The following ARHGAP44 variants were observed in gnomAD, a reference collection of about 807,000 sequenced individuals.
The protein encoded by ARHGAP44 is Rho GTPase activating protein 44, also known as rho GTPase-activating protein 44.
In ARHGAP44, 43 loss-of-function variants were observed where a neutral mutation model predicts 106.8. That is an observed-to-expected ratio of 0.40 (90% CI 0.32 to 0.52). The LOEUF (loss-of-function observed/expected upper bound fraction) is 0.52. Ranked by LOEUF, ARHGAP44 falls within the 20% of genes least tolerant of loss-of-function variation. The pLI, the probability that ARHGAP44 is intolerant of heterozygous loss-of-function variation, is 0.48. For synonymous variants in ARHGAP44, 439 were observed against 410.3 expected (o/e 1.07, Z -0.85); for missense variants, 866 against 1,050.5 (o/e 0.82, Z 2.43).
chr17:12,975,342 G>A (rs2039649474), intron 18 of ARHGAP44, among the ~76,000 whole-genome samples: 1 of 151,920 alleles, frequency 6.6e-6, no homozygotes, highest in African/African-American at 2.4e-5. Flanking sequence ...CGCTAAAATG[G>A]GTGCAAGTCA....
chr17:12,928,756 A>G (rs1441945814), intron 6 of ARHGAP44, among the ~76,000 whole-genome samples, 173 bp from the exon 7 acceptor site: 1 of 152,202 alleles, frequency 6.6e-6, no homozygotes, highest in African/African-American at 2.4e-5. Flanking sequence ...GCATGGAAAT[A>G]TGGGCCCACT....
intron 1 of ARHGAP44, among the ~76,000 whole-genome samples, chr17:12,850,145 G>C (rs1211969345): frequency 6.6e-6 from 1 of 152,106 alleles, no homozygotes; most frequent in Non-Finnish European, 1.5e-5. Context: ...TTAGAGCCGA[G>C]GAAACTCAGA....
In ARHGAP44 at chr17:12,984,888, C is replaced by T; in HGVS notation, c.2297C>T (p.Pro766Leu). The T allele has an allele frequency of 6.2e-7, 1 of 1,610,514 alleles. No individual in the cohort carries two copies. Among genetic ancestry groups the T allele is most frequent in the Non-Finnish European group, 8.5e-7 (1 of 1,177,316 alleles). ...TEAPMLDGMS[P>L]GESMSTDLVH... ...GCCCCCATGCTAGATGGCATGTCCC[C>T]TGGGGAAAGCATGTCTACAGGTAAC... Residue 766 changes from proline (P) to leucine (L), a missense_variant, in exon 20 of 21, where the codon CCT becomes CTT. Pro to Leu is a moderately conservative substitution (Grantham distance 98). Coordinates refer to ENST00000379672, the MANE Select transcript of ARHGAP44 (RefSeq NM_014859.6).
At chr17:12,868,157 C>T (rs953192206) in intron 1 of ARHGAP44, among the ~76,000 whole-genome samples, 2 of 152,248 alleles carry the variant, frequency 1.3e-5, no homozygotes, top group African/African-American at 4.8e-5. Flanking sequence ...GTCGGAGGGT[C>T]GTTTTCCTCT....
At chr17:12,800,229 T>C (rs1440516398) in intron 1 of ARHGAP44, among the ~76,000 whole-genome samples, 1 of 152,218 alleles carries the variant, frequency 6.6e-6, no homozygotes, top group East Asian at 1.9e-4. Context: ...TACCCATTTG[T>C]CTCCTTTTCC....
At chr17:12,943,714 C>T (rs1225345122) in intron 9 of ARHGAP44, 45 bp downstream of exon 9, 2 of 1,583,310 alleles carry the variant, frequency 1.3e-6, no homozygotes, top group East Asian at 2.2e-5. Flanking sequence ...GGGGTGCCTG[C>T]TTGCCTTCCC....
intron 4 of ARHGAP44, among the ~76,000 whole-genome samples, chr17:12,909,628 G>C (rs1567681149): frequency 6.6e-6 from 1 of 152,060 alleles, no homozygotes; most frequent in Admixed American, 6.5e-5. Context: ...CAGATGTAGA[G>C]CCGCCACCCA....
rs759135611 is a variant in ARHGAP44 at position 12,958,854 on chromosome 17, G to A, written c.1480G>A (p.Val494Ile). 17 of 1,611,668 alleles carry A rather than the reference G, an allele frequency of 1.1e-5. No homozygotes were observed. Among genetic ancestry groups the A allele is most frequent in the Non-Finnish European group, 1.3e-5 (15 of 1,179,022 alleles). Residue 494 changes from valine to isoleucine, a missense_variant, in exon 16 of 21, where the codon GTC becomes ATC. Val to Ile is a conservative substitution (Grantham distance 29). Coordinates refer to ENST00000379672, the MANE Select transcript of ARHGAP44 (RefSeq NM_014859.6). The surrounding 1 kb of genome is among the most constrained non-coding windows in gnomAD (Gnocchi z 4.1). ...QPEQARRPLS[V>I]ATDNMMLEFY... The stretch of plus-strand genomic sequence containing the variant: ...CGAGCAGGCCCGCCGGCCCCTCAGC[G>A]TCGCCACGGATAATATGATGCTGGA...
At position 12,990,192 on chromosome 17, in the gene ARHGAP44, C is replaced by T. The variant is rs761173430; in HGVS notation, c.*21C>T. 5.6e-6 allele frequency: 9 copies of T among 1,604,404 alleles called. No homozygotes were observed. Among genetic ancestry groups the T allele is most frequent in the Non-Finnish European group, 7.7e-6 (9 of 1,172,368 alleles). ...TCTGACATGACACCGCCCATCCTGC[C>T]TCGCGTGTACATACATCACGGGCCC... On this transcript the variant is annotated 3_prime_UTR_variant, in exon 21 of 21. Coordinates refer to ENST00000379672, the MANE Select transcript of ARHGAP44 (RefSeq NM_014859.6).
Position 12,828,640 on chromosome 17 carries a change from T to C in ARHGAP44, c.53+38749T>C, listed in dbSNP as rs184784378. Among the ~76,000 whole-genome samples, 597 of 140,838 alleles carry C rather than the reference T, an allele frequency of 4.2e-3. 3 individuals are homozygous for C. Among genetic ancestry groups the C allele is most frequent in the Middle Eastern group, 0.035 (10 of 284 alleles). 92.4% of individuals were successfully genotyped at this position (140,838 alleles called of 152,430 possible). A position where few individuals can be genotyped will look rare whatever the true frequency, so the allele number is the denominator to read the frequency against. On this transcript the variant is annotated intron_variant, in intron 1 of 20. Coordinates refer to ENST00000379672, the MANE Select transcript of ARHGAP44 (RefSeq NM_014859.6). The stretch of plus-strand genomic sequence containing the variant: ...CTTTTGGATTTTTTTTTCTTTCTTT[T>C]TTTTTTTTTTTTTTTTTTAAAGACA...
Position 12,915,982 on chromosome 17 carries a change from G to A in ARHGAP44, c.358G>A (p.Val120Met), listed in dbSNP as rs770270968. The A allele has an allele frequency of 3.7e-6, 6 of 1,613,920 alleles. No individual in the cohort carries two copies. The South Asian group carries it at 5.5e-5, about 15-fold the overall frequency. Residue 120 changes from valine (V) to methionine (M), a missense_variant, in exon 5 of 21, where the codon GTG (valine) becomes ATG (methionine). Physicochemically the swap from Val to Met is conservative, Grantham distance 21. This residue lies in a region of ARHGAP44 where 448 missense variants were observed against 646.9 expected (regional missense o/e 0.69). Transcript: ENST00000379672. ...IHFELQVERD[V>M]IEPLFLLAEV... ...TTTTGAGTTGCAAGTAGAGAGAGAC[G>A]TGATTGAGCCCCTGTTTTTGCTGGC... is the stretch of plus-strand genomic sequence containing the variant.
intron 20 of ARHGAP44, chr17:12,987,660 C>T (rs1162491616): frequency 1.3e-5 from 2 of 152,354 alleles, no homozygotes; most frequent in Non-Finnish European, 2.9e-5. Flanking sequence ...CGAGTTTGCA[C>T]CAGCAGATCT....
At chr17:12,987,158 C>G (rs2039981281) in intron 20 of ARHGAP44, 1 of 1,532,586 alleles carries the variant, frequency 6.5e-7, no homozygotes, top group Non-Finnish European at 8.7e-7. Flanking sequence ...TCAGGGTAAG[C>G]TGGCCCCGGC....
chr17:12,945,439 A>G (rs1258988954), intron 10 of ARHGAP44, among the ~76,000 whole-genome samples: 3 of 152,160 alleles, frequency 2.0e-5, no homozygotes, highest in Non-Finnish European at 2.9e-5. Context: ...TGATTAGCCA[A>G]TCAGTATTTA....
chr17:12,939,910 A>G (rs541045780), intron 7 of ARHGAP44, among the ~76,000 whole-genome samples: 2 of 152,288 alleles, frequency 1.3e-5, no homozygotes, highest in South Asian at 4.1e-4. Flanking sequence ...GTGTACAAGA[A>G]CTCTTGAATG....
intron 1 of ARHGAP44, among the ~76,000 whole-genome samples, chr17:12,885,152 G>A (rs1308602281): frequency 6.6e-6 from 1 of 152,142 alleles, no homozygotes; most frequent in East Asian, 1.9e-4. Context: ...GCCCTCCTCG[G>A]CCTCCCAAAG....
chr17:12,861,962 G>A (rs141552907), intron 1 of ARHGAP44, among the ~76,000 whole-genome samples: 1 of 152,088 alleles, frequency 6.6e-6, no homozygotes, highest in Non-Finnish European at 1.5e-5. Context: ...AGGACCCATG[G>A]GTGACACTGG....
intron 1 of ARHGAP44, among the ~76,000 whole-genome samples, chr17:12,823,396 C>G (rs561933608): frequency 1.3e-5 from 2 of 152,276 alleles, no homozygotes; most frequent in African/African-American, 2.4e-5. Context: ...TCAAACTTCT[C>G]CAGTCCTTTC....
intron 1 of ARHGAP44, among the ~76,000 whole-genome samples, chr17:12,840,132 AT>A (rs918811932): frequency 2.8e-4 from 42 of 151,668 alleles, no homozygotes; most frequent in African/African-American, 9.2e-4. Context: ...TTCAGCAGAG[AT>A]TTTTTTTTGT....
Sources: allele counts gnomAD v4.1 joint callset (sites outside exome capture counted in the v4.1 genomes callset), GRCh38; gene constraint gnomAD v4.1.1; regional missense constraint gnomAD v4.1.1; non-coding constraint Gnocchi (gnomAD v3.1); transcripts MANE v1.5; gene names NCBI Gene and HGNC (gene_info 2026-07-23, HGNC 2026-07-21).